The following SWT1 variants were observed in gnomAD, a reference collection of about 807,000 sequenced individuals.
SWT1 encodes transcriptional protein SWT1.
SWT1 carries 33 observed loss-of-function variants against 107.3 expected under a neutral mutation model. That is an observed-to-expected ratio of 0.31 (90% CI 0.23 to 0.41). The LOEUF is 0.41. SWT1 is among the 10% of genes least tolerant of loss of function. SWT1 has a pLI of 1.00. For synonymous variants in SWT1, 345 were observed against 348.3 expected (o/e 0.99, Z 0.11); for missense variants, 898 against 1,028.9 (o/e 0.87, Z 1.74).
At chr1:185,236,539 C>T (rs1027383809) in intron 16 of SWT1, among the ~76,000 whole-genome samples, 1 of 152,168 alleles carries the variant, frequency 6.6e-6, no homozygotes, top group Admixed American at 6.5e-5. Context: ...AAACTGGATT[C>T]CTTCCTTACA....
intron 15 of SWT1, 22 bp downstream of exon 15, chr1:185,222,058 T>A (rs758984875): frequency 6.9e-7 from 1 of 1,440,580 alleles, no homozygotes; most frequent in Non-Finnish European, 9.2e-7. Context: ...GGGGGAATTT[T>A]TTTTTAGTTA....
intron 18 of SWT1, among the ~76,000 whole-genome samples, chr1:185,286,307 T>A (rs545934105): frequency 6.6e-6 from 1 of 152,024 alleles, no homozygotes; most frequent in South Asian, 2.1e-4. Context: ...CACTGCAACC[T>A]CTGCCTCTTG....
intron 10 of SWT1, among the ~76,000 whole-genome samples, chr1:185,201,566 C>T (rs1657885886): frequency 6.6e-6 from 1 of 152,196 alleles, no homozygotes; most frequent in African/African-American, 2.4e-5. Context: ...TCAGCTTGCC[C>T]TCTGAGGGCT....
chr1:185,218,416 C>G (rs1305368861), intron 14 of SWT1, among the ~76,000 whole-genome samples: 2 of 152,078 alleles, frequency 1.3e-5, no homozygotes, highest in East Asian at 1.9e-4. Flanking sequence ...GTCAAATGAT[C>G]CTCCAGCCTC....
chr1:185,180,718 T>C (rs2102371571), intron 6 of SWT1, among the ~76,000 whole-genome samples: 1 of 152,326 alleles, frequency 6.6e-6, no homozygotes, highest in East Asian at 1.9e-4. Context: ...AATTTTGATT[T>C]AATATTATGA....
chr1:185,277,127 C>A (rs982768923), intron 18 of SWT1, among the ~76,000 whole-genome samples: 3 of 152,236 alleles, frequency 2.0e-5, no homozygotes, highest in Admixed American at 1.3e-4. Context: ...TAATAGAAGG[C>A]AGTGGGATTC....
At chr1:185,231,851 T>C (rs1420555921) in intron 16 of SWT1, 143 bp downstream of exon 16, 5 of 598,002 alleles carry the variant, frequency 8.4e-6, no homozygotes, top group Non-Finnish European at 8.7e-6. Context: ...CTTTCTTTTG[T>C]GGCACTAAAG....
intron 16 of SWT1, among the ~76,000 whole-genome samples, chr1:185,254,598 T>C: frequency 6.6e-6 from 1 of 151,338 alleles, no homozygotes; most frequent in East Asian, 1.9e-4. Flanking sequence ...TGATGGTAGT[T>C]TGTATTTCTG....
chr1:185,253,443 T>C lies in SWT1; in HGVS notation c.2442-17880T>C, dbSNP rs566346883. 5.2e-3 allele frequency among the ~76,000 whole-genome samples: 797 copies of C among 151,940 alleles called. 4 individuals are homozygous for C. Among genetic ancestry groups the C allele is most frequent in the Non-Finnish European group, 7.3e-3 (497 of 67,952 alleles). On this transcript the variant is annotated intron_variant, in intron 16 of 18. Coordinates refer to ENST00000367500, the MANE Select transcript of SWT1 (RefSeq NM_017673.7). ...TGGAATGTTCTTCCATTTGTTTGTA[T>C]CCTCTTTTATTTCCTTGAGCAGTGG...
At chr1:185,230,104 C>T (rs937488077) in intron 15 of SWT1, among the ~76,000 whole-genome samples, 21 of 152,118 alleles carry the variant, frequency 1.4e-4, no homozygotes, top group African/African-American at 3.6e-4. Flanking sequence ...GTGAGTTTTA[C>T]GACAGTTATA....
Position 185,202,684 on chromosome 1 carries a change from A to G in SWT1, c.1554A>G (p.Leu518=), listed in dbSNP as rs17852825. The G allele has an allele frequency of 5.0e-6, 8 of 1,608,902 alleles. No individual in the cohort carries two copies. The highest frequency in any genetic ancestry group is 2.2e-5 in the East Asian group (1 of 44,450). The change falls in exon 11 of 19, where the codon CTA becomes CTG. Residue 518 remains leucine (L), a synonymous_variant. Coordinates refer to ENST00000367500, the MANE Select transcript of SWT1 (RefSeq NM_017673.7). ...TDDRNLRNKG[L]ISGVKSLSKE... is the part of the protein sequence containing the mutation. The stretch of plus-strand genomic sequence containing the variant: ...ATAGAAACTTAAGAAACAAAGGCCT[A>G]ATAAGTGGTGTGAAGTCACTCAGTA...
At chr1:185,226,948 G>T in intron 15 of SWT1, 1 of 989,128 alleles carries the variant, frequency 1.0e-6, no homozygotes, top group Non-Finnish European at 1.6e-6. Flanking sequence ...TCATAGACTG[G>T]ATTCTTTTGT....
intron 15 of SWT1, among the ~76,000 whole-genome samples, chr1:185,230,454 C>T (rs572259124): frequency 6.6e-6 from 1 of 152,078 alleles, no homozygotes; most frequent in Non-Finnish European, 1.5e-5. Flanking sequence ...GTATCACTCC[C>T]ATCTCTGCCT....
intron 10 of SWT1, among the ~76,000 whole-genome samples, chr1:185,197,063 C>T (rs1410600806): frequency 6.6e-6 from 1 of 152,122 alleles, no homozygotes; most frequent in Non-Finnish European, 1.5e-5. Context: ...AGCTTTTGCC[C>T]ATTCAGTGTG....
At chr1:185,212,376 A>AG (rs1464043880) in intron 13 of SWT1, among the ~76,000 whole-genome samples, 1 of 151,986 alleles carries the variant, frequency 6.6e-6, no homozygotes, top group Non-Finnish European at 1.5e-5. Flanking sequence ...TTTTCCTGGC[A>AG]GGGGGGTCTG....
intron 16 of SWT1, among the ~76,000 whole-genome samples, chr1:185,267,871 GA>G (rs1420945785): frequency 1.3e-5 from 2 of 152,184 alleles, no homozygotes; most frequent in Non-Finnish European, 2.9e-5. Context: ...AAAAAAGAAT[GA>G]GAAAACTTTA....
At chr1:185,254,565 G>A (rs1318230695) in intron 16 of SWT1, among the ~76,000 whole-genome samples, 220 of 147,692 alleles carry the variant, frequency 1.5e-3, no homozygotes, top group Non-Finnish European at 2.1e-3. Flanking sequence ...GTTTATTTGC[G>A]TAGAGGTGTT....
In SWT1 at chr1:185,160,874, G is replaced by A. The variant is rs544613201; in HGVS notation, c.33G>A (p.Glu11=). Reference sequence around the variant, plus strand: ...GCAAAGAATCCTGTGGGAAAAAAGAGACATCTCAGAGGAAAGACACCACCA... The same window carrying A: ...GCAAAGAATCCTGTGGGAAAAAAGAAACATCTCAGAGGAAAGACACCACCA... MSSKESCGKK[E]TSQRKDTTTS... is the part of the protein sequence containing the mutation. Residue 11 remains glutamate (E), a synonymous_variant, in exon 2 of 19, where the codon GAG becomes GAA. Transcript: ENST00000367500. 6.3e-5 allele frequency: 101 copies of A among 1,613,112 alleles called. 1 individual carries two copies. In the South Asian group the frequency reaches 1.1e-3, roughly 18 times the overall value.
intron 16 of SWT1, among the ~76,000 whole-genome samples, chr1:185,235,330 C>A (rs1326897800): frequency 6.6e-6 from 1 of 152,074 alleles, no homozygotes; most frequent in Non-Finnish European, 1.5e-5. Flanking sequence ...TATGGCACAC[C>A]AAATCCAGCA....
Sources: gnomAD v4.1 joint callset for allele counts (sites outside exome capture counted in the v4.1 genomes callset) on GRCh38, gnomAD v4.1.1 for gene constraint, MANE v1.5 for transcripts, NCBI Gene and HGNC (gene_info 2026-07-23, HGNC 2026-07-21) for gene names.